Variants in TRAP1 observed in about 807,000 individuals in gnomAD.
TRAP1 encodes TNF receptor associated protein 1.
TRAP1 carries 102 observed loss-of-function variants against 89.1 expected under a neutral mutation model. The ratio of observed to expected loss-of-function variants is 1.15; its 90% CI spans 0.98 to 1.35. The LOEUF is 1.35. TRAP1 is among the 40% of genes most tolerant of loss of function. TRAP1 has a pLI of 0.00. For synonymous variants in TRAP1, 508 were observed against 388.0 expected, an observed-to-expected ratio of 1.31 and a Z score of -3.64; for missense variants, 1,256 against 945.3, an observed-to-expected ratio of 1.33 and a Z score of -4.31.
rs897252259 is a variant in TRAP1 at position 3,698,334 on chromosome 16, T to TA, written c.89-7350dup. ...CCACAACAACTTTTTTTTTTTTTTT[T>TA]AGAGTCTCACTCTGTTGCCCAGGCT... On this transcript the variant is annotated intron_variant, in intron 1 of 17. Coordinates refer to ENST00000246957, the MANE Select transcript of TRAP1 (RefSeq NM_016292.3). Among the ~76,000 whole-genome samples, 10 of 151,320 alleles carry TA rather than the reference T, an allele frequency of 6.6e-5. No individual in the cohort carries two copies. The East Asian group carries it at 1.4e-3, about 21-fold the overall frequency.
At chr16:3,709,178 G>A (rs1172271988) in intron 1 of TRAP1, among the ~76,000 whole-genome samples, 2 of 132,214 alleles carry the variant, frequency 1.5e-5, no homozygotes, top group South Asian at 2.4e-4. Flanking sequence ...GGTGAGCCAA[G>A]ATCACGCCAC....
intron 1 of TRAP1, among the ~76,000 whole-genome samples, chr16:3,701,976 C>T (rs1421689011): frequency 1.3e-5 from 2 of 151,538 alleles, no homozygotes; most frequent in Non-Finnish European, 2.9e-5. Context: ...TTTGGGAGGC[C>T]AAGGCAGGTG....
intron 5 of TRAP1, among the ~76,000 whole-genome samples, chr16:3,679,263 G>A (rs761464217): frequency 3.9e-5 from 6 of 151,996 alleles, no homozygotes; most frequent in Admixed American, 6.6e-5. Context: ...TCCTATCTAC[G>A]GGTTCCACAT....
chr16:3,661,910 A>G (rs1596684455), intron 16 of TRAP1, 77 bp downstream of exon 16: 2 of 1,488,994 alleles, frequency 1.3e-6, no homozygotes, highest in Non-Finnish European at 1.8e-6. Flanking sequence ...TCTGTGTCAC[A>G]TTCCACAACA....
intron 16 of TRAP1, chr16:3,660,824 T>TAAGGCAGGTGGATTGTTTG (rs1393397165): frequency 2.6e-5 from 4 of 152,178 alleles, no homozygotes; most frequent in Non-Finnish European, 5.9e-5. Flanking sequence ...TTCGGGAGGC[T>TAAGGCAGGTGGATTGTTTG]AAGGCAGGTG....
chr16:3,664,674 T>G, intron 12 of TRAP1: 1 of 549,918 alleles, frequency 1.8e-6, no homozygotes, highest in South Asian at 2.5e-5. Flanking sequence ...AGGAAGCACC[T>G]CCTGCCCCAG....
At chr16:3,691,884 G>A (rs765599133) in intron 1 of TRAP1, among the ~76,000 whole-genome samples, 1 of 152,148 alleles carries the variant, frequency 6.6e-6, no homozygotes, top group African/African-American at 2.4e-5. Context: ...GCTCAGTCCA[G>A]TGGGCTGAGA....
At chr16:3,659,271 A>C (rs2042924442) in intron 16 of TRAP1, 1 of 173,702 alleles carries the variant, frequency 5.8e-6, no homozygotes, top group African/African-American at 2.4e-5. Flanking sequence ...CCATGTAACG[A>C]GGGTGGACAC....
In TRAP1 at chr16:3,662,148, G is replaced by A. The variant is rs748143602; in HGVS notation, c.1795-16C>T. On this transcript the variant is annotated splice_polypyrimidine_tract_variant and intron_variant, in intron 15 of 17. Coordinates refer to ENST00000246957, the MANE Select transcript of TRAP1 (RefSeq NM_016292.3). The stretch of plus-strand genomic sequence containing the variant: ...GGAGGGTCACCTGTGAGCAAAGCCC[G>A]GGGTTGAGGGTGATAGAGGTTCCCA... The A allele has an allele frequency of 1.1e-4, 173 of 1,605,994 alleles. 1 individual carries two copies. Among genetic ancestry groups the A allele is most frequent in the South Asian group, 2.1e-4 (19 of 90,278 alleles).
intron 1 of TRAP1, among the ~76,000 whole-genome samples, chr16:3,693,791 A>G (rs2051248892): frequency 6.6e-6 from 1 of 152,020 alleles, no homozygotes; most frequent in Non-Finnish European, 1.5e-5. Flanking sequence ...CCAGGGGTTT[A>G]AGACCAGCCT....
chr16:3,670,382 CAAAAAAAAAAAAAAAA>C (rs760902038), intron 11 of TRAP1, among the ~76,000 whole-genome samples: 1 of 22,826 alleles, frequency 4.4e-5, no homozygotes, highest in African/African-American at 1.2e-4. Context: ...GACTCCGTCT[CAAAAAAAAAAAAAAAA>C]AAAAAAAAAA....
intron 1 of TRAP1, among the ~76,000 whole-genome samples, chr16:3,706,975 T>TAAA (rs2051456296): frequency 6.6e-6 from 1 of 152,122 alleles, no homozygotes; most frequent in South Asian, 2.1e-4. Context: ...CGCACCGTTT[T>TAAA]ACATTCTCAC....
chr16:3,684,328 T>C (rs1056466451), intron 4 of TRAP1, among the ~76,000 whole-genome samples: 3 of 152,162 alleles, frequency 2.0e-5, no homozygotes, highest in African/African-American at 7.2e-5. Context: ...CAGTGATAAA[T>C]TAAGGCTGCA....
At chr16:3,658,399 C>T (rs1365560635) in intron 17 of TRAP1, 169 bp from the exon 18 acceptor site, 5 of 635,660 alleles carry the variant, frequency 7.9e-6, no homozygotes, top group East Asian at 2.8e-5. Context: ...GGATTACAGG[C>T]GTGAGCCACC....
chr16:3,708,288 C>T (rs1377677410), intron 1 of TRAP1, among the ~76,000 whole-genome samples: 1 of 152,072 alleles, frequency 6.6e-6, no homozygotes, highest in Non-Finnish European at 1.5e-5. Flanking sequence ...GAGTTTGAGA[C>T]TAGCCTGGCC....
intron 1 of TRAP1, among the ~76,000 whole-genome samples, chr16:3,710,875 A>ATT (rs1463164560): frequency 3.2e-4 from 19 of 59,128 alleles, no homozygotes; most frequent in African/African-American, 1.3e-3. Context: ...ATATATATAT[A>ATT]TATATTTTTT....
chr16:3,706,154 A>G (rs1229594437), intron 1 of TRAP1, among the ~76,000 whole-genome samples: 3 of 152,026 alleles, frequency 2.0e-5, no homozygotes, highest in South Asian at 2.1e-4. Context: ...GGGTTTTGCC[A>G]TGTTGGCCAG....
rs1018400043 is a variant in TRAP1 at position 3,702,240 on chromosome 16, C to T, written c.89-11255G>A. 4.9e-4 allele frequency among the ~76,000 whole-genome samples: 75 copies of T among 151,810 alleles called. 1 individual carries two copies. Among genetic ancestry groups the T allele is most frequent in the African/African-American group, 1.8e-3 (73 of 41,144 alleles). ...GATGAGGAATTCAGTCTAGGGGCCT[C>T]TTAGGAGCCAAGGCCCAATGACTAG... On this transcript the variant is annotated intron_variant, in intron 1 of 17. Transcript: ENST00000246957.
chr16:3,693,703 C>G (rs562947143), intron 1 of TRAP1, among the ~76,000 whole-genome samples: 353 of 152,322 alleles, frequency 2.3e-3, no homozygotes, highest in African/African-American at 8.2e-3. Context: ...AAAAGGTCCA[C>G]AGTTCTGAGC....
Sources: allele counts gnomAD v4.1 joint callset (sites outside exome capture counted in the v4.1 genomes callset), GRCh38; gene constraint gnomAD v4.1.1; transcripts MANE v1.5; gene names NCBI Gene and HGNC (gene_info 2026-07-23, HGNC 2026-07-21).